The following RBM26 variants were observed in gnomAD, a reference collection of about 807,000 sequenced individuals.
The protein encoded by RBM26 is RNA-binding protein 26.
RBM26 carries 30 observed loss-of-function variants against 123.6 expected under a neutral mutation model. The ratio of observed to expected loss-of-function variants is 0.24; its 90% CI spans 0.18 to 0.33. The LOEUF (loss-of-function observed/expected upper bound fraction) is 0.33, where lower values mean the gene tolerates loss of function less well. Among genes scored for constraint, RBM26 ranks in the 10% least tolerant of loss-of-function variants. The pLI is 1.00. For missense variants in RBM26, 947 were observed against 1,203.6 expected (o/e 0.79, Z 3.15); for synonymous variants, 400 against 404.4 (o/e 0.99, Z 0.13).
At chr13:79,395,855 T>C (rs964449028) in intron 1 of RBM26, among the ~76,000 whole-genome samples, 2 of 151,786 alleles carry the variant, frequency 1.3e-5, no homozygotes, top group Non-Finnish European at 1.5e-5. Context: ...TAATATCATA[T>C]AATCTAACAT....
downstream of RBM26, chr13:79,315,030 A>T (rs183288256): frequency 1.7e-6 from 2 of 1,210,330 alleles, no homozygotes; most frequent in Admixed American, 4.8e-5. Context: ...AAACTTTGAA[A>T]ATAGCAAATA....
intron 12 of RBM26, 48 bp from the exon 13 acceptor site, chr13:79,354,618 T>A (rs766275816): frequency 2.0e-6 from 3 of 1,504,440 alleles, no homozygotes; most frequent in African/African-American, 2.8e-5. Flanking sequence ...TTCAAAAGGA[T>A]GGAAAGTGAC....
At chr13:79,390,193 G>T (rs1367449623) in intron 1 of RBM26, among the ~76,000 whole-genome samples, 1 of 152,084 alleles carries the variant, frequency 6.6e-6, no homozygotes, top group Admixed American at 6.6e-5. Flanking sequence ...TTAAGAAATT[G>T]TGTCAAATTA....
intron 11 of RBM26, 96 bp from the exon 12 acceptor site, chr13:79,355,480 G>GT: frequency 1.2e-6 from 1 of 853,558 alleles, no homozygotes; most frequent in Non-Finnish European, 1.8e-6. Flanking sequence ...GTCCTTCCAA[G>GT]TAAGATTCTG....
At chr13:79,316,195 GTGTGT>G (rs2067133210), downstream of RBM26, among the ~76,000 whole-genome samples, 1 of 49,158 alleles carries the variant, frequency 2.0e-5, no homozygotes, top group African/African-American at 1.8e-4. Flanking sequence ...TGGGGCAGGT[GTGTGT>G]GTGTGTGTGT....
chr13:79,330,263 A>G (rs150947362), intron 20 of RBM26, among the ~76,000 whole-genome samples: 8 of 152,334 alleles, frequency 5.3e-5, no homozygotes, highest in African/African-American at 1.9e-4. Context: ...TGGCATATAC[A>G]TAACAGAAAG....
rs1477425063 is a variant in RBM26, at chr13:79,354,546, G to A, written c.1879C>T (p.Pro627Ser). 3.1e-6 allele frequency: 5 copies of A among 1,603,318 alleles called. No homozygotes were observed. Among genetic ancestry groups the A allele is most frequent in the South Asian group, 2.2e-5 (2 of 89,602 alleles). Reference protein sequence around the residue: ...PKVMQPLVQQPILPVVKQSVK... With the variant: ...PKVMQPLVQQSILPVVKQSVK... ...GACTGCTTCACAACAGGCAAAATGG[G>A]CTGCTGGACTAAAGGCTGCATTACC... Residue 627 changes from proline to serine, a missense_variant, in exon 13 of 22, where the codon CCC becomes TCC. Coordinates refer to ENST00000438737, the MANE Select transcript of RBM26 (RefSeq NM_001366735.2).
intron 11 of RBM26, among the ~76,000 whole-genome samples, chr13:79,356,180 T>C (rs781630521): frequency 3.3e-5 from 5 of 152,040 alleles, no homozygotes; most frequent in African/African-American, 1.2e-4. Context: ...CTGGACAACA[T>C]ATTAAGACCC....
At chr13:79,327,814 A>G (rs2068673533) in intron 20 of RBM26, among the ~76,000 whole-genome samples, 1 of 152,118 alleles carries the variant, frequency 6.6e-6, no homozygotes. Context: ...TTGAAAAATT[A>G]CCTAATGGGT....
At chr13:79,350,645 T>C (rs546785633) in intron 14 of RBM26, among the ~76,000 whole-genome samples, 54 of 152,300 alleles carry the variant, frequency 3.5e-4, no homozygotes, top group Non-Finnish European at 5.7e-4. Flanking sequence ...AGGGAAGGTA[T>C]AAAATGTTAC....
At position 79,337,278 on chromosome 13, in the gene RBM26, A is replaced by C. The variant is rs773298151; in HGVS notation, c.2557T>G (p.Ser853Ala). The C allele has an allele frequency of 4.3e-6, 7 of 1,614,170 alleles. No individual in the cohort carries two copies. The highest frequency in any genetic ancestry group is 1.7e-5 in the Admixed American group (1 of 60,020). Residue 853 changes from serine (S) to alanine (A), a missense_variant, in exon 19 of 22, where the codon TCT becomes GCT. Physicochemically the swap from Ser to Ala is moderately conservative, Grantham distance 99. This residue lies in a region of RBM26 where 164 missense variants were observed against 215.3 expected (regional missense o/e 0.76). Transcript: ENST00000438737. ...GAATGAATTCCTCTGCCCCGACCAG[A>C]TGAAAGAATCCCTCGTTTGGCAGCC... The part of the protein sequence containing the change: ...LEAAKRGILS[S>A]GRGRGIHSRG...
Position 79,319,339 on chromosome 13 carries a change from T to C in RBM26, c.*1282A>G, listed in dbSNP as rs2067433118. 1.0e-6 allele frequency: 1 copy of C among 982,708 alleles called. No individual in the cohort carries two copies. Among genetic ancestry groups the C allele is most frequent in the Admixed American group, 6.2e-5 (1 of 16,110 alleles). 60.9% of individuals were successfully genotyped at this position (982,708 alleles called of 1,614,324 possible). On this transcript the variant is annotated 3_prime_UTR_variant, in exon 22 of 22. Coordinates refer to ENST00000438737, the MANE Select transcript of RBM26 (RefSeq NM_001366735.2). The stretch of plus-strand genomic sequence containing the variant: ...GCAATCAAAATGATGAATTTGAAAA[T>C]ATAAATATGTAATCTCCCACCCCCA...
chr13:79,373,425 ATATAAATATATATTATATAT>A (rs1473776831), intron 3 of RBM26, among the ~76,000 whole-genome samples: 47,957 of 68,358 alleles, frequency 0.7, 14,475 homozygotes, highest in African/African-American at 0.73. Flanking sequence ...TATAAATAAA[ATATAAATATATATTATATAT>A]TATATATAAA....
rs772062749 is a variant in RBM26 at position 79,341,125 on chromosome 13, C to T, written c.2530G>A (p.Glu844Lys). 6.3e-7 allele frequency: 1 copy of T among 1,582,504 alleles called. No homozygotes were observed. Among genetic ancestry groups the T allele is most frequent in the Non-Finnish European group, 8.7e-7 (1 of 1,154,250 alleles). The change falls in exon 18 of 22, where the codon GAA (glutamate) becomes AAA (lysine). Residue 844 changes from glutamate to lysine, a missense_variant and splice_region_variant. Transcript: ENST00000438737. ...LRRKYTELQL[E>K]AAKRGILSSG... ...TGTGTAGTTGTGATTAAACATACTT[C>T]CAGCTGTAATTCTGTATACTTTCTC...
Position 79,371,182 on chromosome 13 carries a change from C to A in RBM26, c.417-20G>T, listed in dbSNP as rs780454635. ...CGGCTTCTAAAGAAATATGTGATCACTTTAATACAAATAATTTTTAAGTGA... is the reference window on the plus strand; with the variant it reads ...CGGCTTCTAAAGAAATATGTGATCAATTTAATACAAATAATTTTTAAGTGA... On this transcript the variant is annotated intron_variant, in intron 4 of 21. Transcript: ENST00000438737. 5 of 1,564,906 alleles carry A rather than the reference C, an allele frequency of 3.2e-6. No individual in the cohort carries two copies. The South Asian group carries it at 4.6e-5, about 15-fold the overall frequency.
At chr13:79,359,172 C>G (rs549988546) in intron 10 of RBM26, among the ~76,000 whole-genome samples, 32 of 152,148 alleles carry the variant, frequency 2.1e-4, no homozygotes, top group Non-Finnish European at 4.0e-4. Context: ...CTCCAACCCC[C>G]ACAAAAGCCC....
intron 14 of RBM26, among the ~76,000 whole-genome samples, chr13:79,345,585 AGGCCACG>A (rs1250940903): frequency 2.6e-5 from 4 of 152,108 alleles, no homozygotes; most frequent in Non-Finnish European, 5.9e-5. Context: ...ACTAATTATG[AGGCCACG>A]GGTAAGATTA....
chr13:79,351,606 G>A lies in RBM26; in HGVS notation c.2058+1547C>T, dbSNP rs1038437589. Among the ~76,000 whole-genome samples, 87 of 40,962 alleles carry A rather than the reference G, an allele frequency of 2.1e-3. 2 individuals are homozygous for A. In the Admixed American group the frequency reaches 0.025, roughly 12 times the overall value. 26.9% of individuals were successfully genotyped at this position (40,962 alleles called of 152,430 possible). ...TGACTGGAATTTAGTTGGGGCGGCG[G>A]GGGGGGAAATGCACTCCAGAAAAAT... On this transcript the variant is annotated intron_variant, in intron 14 of 21. Transcript: ENST00000438737.
Position 79,354,420 on chromosome 13 carries a change from C to CGT in RBM26, c.1986+17_1986+18dup. On this transcript the variant is annotated intron_variant, in intron 13 of 21. Transcript: ENST00000438737. ...ACTGAGAACCTATTACGGGCACAAT[C>CGT]GTAAGACCTTTGCTTTACCTGAGGA... The CGT allele has an allele frequency of 6.5e-7, 1 of 1,528,726 alleles. No homozygotes were observed. Among genetic ancestry groups the CGT allele is most frequent in the Non-Finnish European group, 8.8e-7 (1 of 1,130,272 alleles). The allele number at this position is 1,528,726 out of a possible 1,614,324, so 94.7% of individuals were successfully genotyped here. A position where few individuals can be genotyped will look rare whatever the true frequency, so the allele number is the denominator to read the frequency against.
Sources: gnomAD v4.1 joint callset for allele counts (sites outside exome capture counted in the v4.1 genomes callset) on GRCh38, gnomAD v4.1.1 for gene constraint, gnomAD v4.1.1 regional missense constraint, MANE v1.5 for transcripts, NCBI Gene and HGNC (gene_info 2026-07-23, HGNC 2026-07-21) for gene names.